The following RNF169 variants were observed in gnomAD, a reference collection of about 807,000 sequenced individuals.
The protein encoded by RNF169 is E3 ubiquitin-protein ligase RNF169.
A neutral mutation model predicts 53.9 loss-of-function variants in RNF169; 24 were observed. That is an observed-to-expected ratio of 0.45 (90% CI 0.32 to 0.63). The LOEUF (loss-of-function observed/expected upper bound fraction) is 0.63. Ranked by LOEUF, RNF169 falls within the 20% of genes least tolerant of loss-of-function variation. RNF169 has a pLI of 0.04. For missense variants in RNF169, 883 were observed against 906.2 expected (o/e 0.97, Z 0.33); for synonymous variants, 396 against 363.5 (o/e 1.09, Z -1.02).
intron 3 of RNF169, among the ~76,000 whole-genome samples, chr11:74,811,585 T>C (rs548421697): frequency 3.7e-4 from 57 of 152,310 alleles, no homozygotes; most frequent in African/African-American, 1.4e-3. Context: ...GGAAATTCTT[T>C]AAGCTTTCTT....
In RNF169 at chr11:74,836,654, G is replaced by A; in HGVS notation, c.2051G>A (p.Arg684Lys). 2.5e-6 allele frequency: 4 copies of A among 1,613,950 alleles called. No homozygotes were observed. The highest frequency in any genetic ancestry group is 1.3e-5 in the African/African-American group (1 of 75,060). The change falls in exon 6 of 6, where the codon AGG becomes AAG. Residue 684 changes from arginine to lysine, a missense_variant. Arg to Lys is a conservative substitution (Grantham distance 26). Transcript: ENST00000299563. ...LQLQRMFDNE[R>K]RTVSRRKGSV... Reference sequence around the variant, plus strand: ...TTGCAGCGCATGTTCGACAATGAGAGGCGGACTGTGAGCCGGCGAAAAGGA... The same window carrying A: ...TTGCAGCGCATGTTCGACAATGAGAAGCGGACTGTGAGCCGGCGAAAAGGA...
intron 3 of RNF169, among the ~76,000 whole-genome samples, chr11:74,814,045 A>C (rs2035910739): frequency 6.6e-6 from 1 of 151,738 alleles, no homozygotes; most frequent in Non-Finnish European, 1.5e-5. Flanking sequence ...TATTGGCCAG[A>C]CGTGGTGGCT....
chr11:74,833,160 C>T (rs2135151239), intron 4 of RNF169, among the ~76,000 whole-genome samples: 1 of 152,284 alleles, frequency 6.6e-6, no homozygotes, highest in South Asian at 2.1e-4. Context: ...CACAGAAATA[C>T]TGGAATAGAA....
chr11:74,811,658 AATT>A (rs2035878046), intron 3 of RNF169, among the ~76,000 whole-genome samples: 2 of 152,152 alleles, frequency 1.3e-5, no homozygotes, highest in Admixed American at 6.5e-5. Context: ...TTATAATAAT[AATT>A]ATTATTTAAT....
chr11:74,767,365 A>T (rs984500020), intron 1 of RNF169, among the ~76,000 whole-genome samples: 25 of 151,920 alleles, frequency 1.6e-4, no homozygotes, highest in Admixed American at 1.2e-3. Flanking sequence ...TTTATTATTT[A>T]AAAAAAACTA....
chr11:74,768,102 A>G (rs2135321586), intron 1 of RNF169, among the ~76,000 whole-genome samples: 1 of 152,376 alleles, frequency 6.6e-6, no homozygotes, highest in Admixed American at 6.5e-5. Context: ...GTTTAAAGCC[A>G]TGTTAATTAA....
chr11:74,775,270 A>C (rs956126187), intron 1 of RNF169, among the ~76,000 whole-genome samples: 9 of 152,146 alleles, frequency 5.9e-5, no homozygotes, highest in Non-Finnish European at 1.2e-4. Context: ...GGAGGTATTG[A>C]TCTTATACAT....
chr11:74,800,362 A>G (rs761177923), intron 2 of RNF169, among the ~76,000 whole-genome samples: 25 of 152,304 alleles, frequency 1.6e-4, no homozygotes, highest in Non-Finnish European at 2.9e-4. Flanking sequence ...GTGTTCAACA[A>G]ATCATAATAC....
At chr11:74,791,827 C>T (rs573960416) in intron 2 of RNF169, among the ~76,000 whole-genome samples, 39 of 152,338 alleles carry the variant, frequency 2.6e-4, no homozygotes, top group African/African-American at 9.1e-4. Flanking sequence ...GATCCCACCT[C>T]TTCAACTTGT....
chr11:74,776,776 A>G (rs1015328062), intron 1 of RNF169, among the ~76,000 whole-genome samples: 7 of 152,220 alleles, frequency 4.6e-5, no homozygotes, highest in African/African-American at 1.4e-4. Flanking sequence ...AATCATAGTG[A>G]AAGGGGAAGA....
chr11:74,825,319 G>T (rs2036078808), intron 4 of RNF169, among the ~76,000 whole-genome samples: 1 of 152,180 alleles, frequency 6.6e-6, no homozygotes, highest in Admixed American at 6.5e-5. Flanking sequence ...TAACAAATAT[G>T]TGGAAATGAA....
At chr11:74,785,685 T>A (rs1475602989) in intron 1 of RNF169, among the ~76,000 whole-genome samples, 1 of 152,070 alleles carries the variant, frequency 6.6e-6, no homozygotes, top group Non-Finnish European at 1.5e-5. Context: ...GCATTAAACA[T>A]TGTTCATCTT....
Position 74,817,781 on chromosome 11 carries a change from G to A in RNF169, c.842+67G>A, listed in dbSNP as rs115647291. Reference sequence around the variant, plus strand: ...TGGGGTATGAGATAAAAGGGACTGGGGGAGCAAAGGTATTTGTTGTGGCTA... The same window carrying A: ...TGGGGTATGAGATAAAAGGGACTGGAGGAGCAAAGGTATTTGTTGTGGCTA... On this transcript the variant is annotated intron_variant, in intron 4 of 5. Transcript: ENST00000299563. 1.7e-4 allele frequency: 160 copies of A among 957,796 alleles called. 1 individual carries two copies. The African/African-American group carries it at 2.2e-3, about 13-fold the overall frequency. The allele number at this position is 957,796 out of a possible 1,614,324, so 59.3% of individuals were successfully genotyped here.
At chr11:74,755,821 G>T (rs1027155062) in intron 1 of RNF169, among the ~76,000 whole-genome samples, 1 of 152,198 alleles carries the variant, frequency 6.6e-6, no homozygotes, top group African/African-American at 2.4e-5. Context: ...TATAGGTGGA[G>T]TGTGGACTGG....
chr11:74,759,638 C>A (rs1454883329), intron 1 of RNF169, among the ~76,000 whole-genome samples: 2 of 145,612 alleles, frequency 1.4e-5, no homozygotes, highest in Non-Finnish European at 3.0e-5. Context: ...ATTGAACCAG[C>A]CTTGCATCCC....
At chr11:74,767,485 A>G (rs2035191746) in intron 1 of RNF169, among the ~76,000 whole-genome samples, 1 of 152,074 alleles carries the variant, frequency 6.6e-6, no homozygotes, top group African/African-American at 2.4e-5. Flanking sequence ...GGCTCACTGC[A>G]ACCTCCACCT....
intron 2 of RNF169, among the ~76,000 whole-genome samples, chr11:74,803,670 A>G (rs984202528): frequency 3.9e-5 from 6 of 152,256 alleles, no homozygotes; most frequent in Admixed American, 1.3e-4. Flanking sequence ...TTTGTTAACA[A>G]GCATAACAGA....
chr11:74,777,918 C>T (rs573500390), intron 1 of RNF169, among the ~76,000 whole-genome samples: 1 of 152,160 alleles, frequency 6.6e-6, no homozygotes, highest in Non-Finnish European at 1.5e-5. Flanking sequence ...GGAGCTACCA[C>T]GTCCAGCCTC....
intron 4 of RNF169, among the ~76,000 whole-genome samples, chr11:74,822,018 TGTGA>T (rs549892814): frequency 3.8e-3 from 579 of 151,424 alleles, no homozygotes; most frequent in Non-Finnish European, 5.7e-3. Context: ...GGTGTGTGTG[TGTGA>T]GTGAGTGAGA....
Sources: gnomAD v4.1 joint callset for allele counts (sites outside exome capture counted in the v4.1 genomes callset) on GRCh38, gnomAD v4.1.1 for gene constraint, MANE v1.5 for transcripts, NCBI Gene and HGNC (gene_info 2026-07-23, HGNC 2026-07-21) for gene names.